The following ZFAND3 variants were observed in gnomAD, a reference collection of about 807,000 sequenced individuals.
ZFAND3 encodes zinc finger AN1-type containing 3.
ZFAND3 carries 10 observed loss-of-function variants against 29.6 expected under a neutral mutation model. The observed-to-expected ratio is 0.34, with a 90% CI of 0.21 to 0.57. The LOEUF is 0.57. Ranked by LOEUF, ZFAND3 falls within the 20% of genes least tolerant of loss-of-function variation. The pLI, the probability that ZFAND3 is intolerant of heterozygous loss-of-function variation, is 0.86. For missense variants in ZFAND3, 230 were observed against 304.5 expected (o/e 0.76, Z 1.82); for synonymous variants, 128 against 112.6 (o/e 1.14, Z -0.87).
chr6:38,006,077 G>A (rs568117073), intron 2 of ZFAND3, among the ~76,000 whole-genome samples: 2 of 152,334 alleles, frequency 1.3e-5, no homozygotes, highest in South Asian at 4.1e-4. Flanking sequence ...CATTGAAGAT[G>A]TATAATATGG....
At chr6:38,103,450 TACACACATATATAC>T (rs1562000292) in intron 4 of ZFAND3, among the ~76,000 whole-genome samples, 2 of 38,590 alleles carry the variant, frequency 5.2e-5, no homozygotes, top group East Asian at 4.0e-3. Context: ...TGTATATATA[TACACACATATATAC>T]ACGTGTATAT....
intron 5 of ZFAND3, among the ~76,000 whole-genome samples, chr6:38,137,437 C>G (rs550879817): frequency 6.6e-6 from 1 of 152,292 alleles, no homozygotes; most frequent in African/African-American, 2.4e-5. Flanking sequence ...TATCTTGTTG[C>G]TAGAAGCAAT....
chr6:37,952,635 T>C (rs146248873), intron 2 of ZFAND3, among the ~76,000 whole-genome samples: 1 of 152,292 alleles, frequency 6.6e-6, no homozygotes, highest in East Asian at 1.9e-4. Flanking sequence ...CATACAGCTC[T>C]TCCTGTCAGC....
Position 38,153,814 on chromosome 6 carries a change from C to A in ZFAND3, c.*1425C>A. The A allele has an allele frequency of 2.0e-6, 2 of 985,516 alleles. No homozygotes were observed. Among genetic ancestry groups the A allele is most frequent in the Non-Finnish European group, 2.4e-6 (2 of 829,976 alleles). The allele number at this position is 985,516 out of a possible 1,614,324, so 61.0% of individuals were successfully genotyped here. On this transcript the variant is annotated 3_prime_UTR_variant, in exon 6 of 6. Transcript: ENST00000287218. ...CAGTGGTCCTAGTGCCGCATCAGAT[C>A]CAGGTGGGTGAGGGCAGGAGGCCCC...
intron 4 of ZFAND3, among the ~76,000 whole-genome samples, chr6:38,113,995 CTG>C (rs768504507): frequency 1.3e-5 from 2 of 152,188 alleles, no homozygotes; most frequent in Admixed American, 1.3e-4. Flanking sequence ...CTGAGCAGTT[CTG>C]TGTTAGAGTA....
intron 2 of ZFAND3, among the ~76,000 whole-genome samples, chr6:38,028,931 T>C (rs2127450544): frequency 6.6e-6 from 1 of 152,348 alleles, no homozygotes; most frequent in Admixed American, 6.5e-5. Flanking sequence ...AGAAATTGTT[T>C]TAATGACTTC....
intron 2 of ZFAND3, among the ~76,000 whole-genome samples, chr6:37,995,204 T>C (rs113793475): frequency 6.6e-6 from 1 of 152,226 alleles, no homozygotes; most frequent in African/African-American, 2.4e-5. Flanking sequence ...TTTTTTCTTC[T>C]TCTTTTGAGG....
chr6:37,885,786 G>T (rs1000110631), intron 1 of ZFAND3, among the ~76,000 whole-genome samples: 1 of 152,058 alleles, frequency 6.6e-6, no homozygotes, highest in African/African-American at 2.4e-5. Context: ...CATAGAATTT[G>T]TTTGCTTGGG....
At chr6:38,094,198 A>G (rs1347610400) in intron 4 of ZFAND3, among the ~76,000 whole-genome samples, 1 of 152,146 alleles carries the variant, frequency 6.6e-6, no homozygotes, top group East Asian at 1.9e-4. Flanking sequence ...GGGTATAAGG[A>G]AGGAACTATT....
chr6:38,130,219 T>C (rs1437668589), intron 5 of ZFAND3, among the ~76,000 whole-genome samples: 6 of 152,320 alleles, frequency 3.9e-5, no homozygotes, highest in Non-Finnish European at 4.4e-5. Flanking sequence ...GAGGAGTCTT[T>C]AGAGTTTTCT....
chr6:37,856,701 ATATTTCT>A (rs1263642021), intron 1 of ZFAND3, among the ~76,000 whole-genome samples: 1 of 152,132 alleles, frequency 6.6e-6, no homozygotes, highest in Non-Finnish European at 1.5e-5. Context: ...TAAAATATAC[ATATTTCT>A]TATTTTTTAT....
chr6:37,967,136 TAATA>T (rs992153448), intron 2 of ZFAND3, among the ~76,000 whole-genome samples: 9 of 152,218 alleles, frequency 5.9e-5, no homozygotes, highest in Admixed American at 5.9e-4. Flanking sequence ...TTTTTGTAAT[TAATA>T]AATGTTTTGT....
chr6:37,842,712 T>C (rs1195048594), intron 1 of ZFAND3, among the ~76,000 whole-genome samples: 1 of 152,242 alleles, frequency 6.6e-6, no homozygotes, highest in African/African-American at 2.4e-5. Context: ...CCTTGCTCTT[T>C]TAGTTGCCTT....
At chr6:37,948,410 A>C (rs966541902) in intron 2 of ZFAND3, among the ~76,000 whole-genome samples, 1 of 152,140 alleles carries the variant, frequency 6.6e-6, no homozygotes, top group Non-Finnish European at 1.5e-5. Flanking sequence ...TAGCCATGCT[A>C]GTTTTCTTTT....
At chr6:38,112,245 G>A (rs1316222902) in intron 4 of ZFAND3, among the ~76,000 whole-genome samples, 1 of 152,092 alleles carries the variant, frequency 6.6e-6, no homozygotes, top group Non-Finnish European at 1.5e-5. Flanking sequence ...GCTCTGTGTG[G>A]GTATATCTAC....
chr6:37,893,802 C>T (rs1369431668), intron 1 of ZFAND3, among the ~76,000 whole-genome samples: 1 of 152,084 alleles, frequency 6.6e-6, no homozygotes, highest in Non-Finnish European at 1.5e-5. Flanking sequence ...GATCCACCTG[C>T]CTTGGCTTCC....
rs558498329 is a variant in ZFAND3 at position 37,839,286 on chromosome 6, T to C, written c.71+19270T>C. Among the ~76,000 whole-genome samples, 126 of 151,410 alleles carry C rather than the reference T, an allele frequency of 8.3e-4. 1 individual carries two copies. Among genetic ancestry groups the C allele is most frequent in the African/African-American group, 3.0e-3 (125 of 41,248 alleles). ...ACCTCCGCCTCCCAGGTTCAAGCGA[T>C]TCTCCTGCCTCAGCTTCCCGGGTAG... is the stretch of plus-strand genomic sequence containing the variant. On this transcript the variant is annotated intron_variant, in intron 1 of 5. Transcript: ENST00000287218.
intron 2 of ZFAND3, among the ~76,000 whole-genome samples, chr6:38,047,623 A>C (rs1485006229): frequency 6.6e-6 from 1 of 152,108 alleles, no homozygotes; most frequent in African/African-American, 2.4e-5. Context: ...CAGCTACGTG[A>C]CTTCTTTTAG....
chr6:38,020,271 G>A (rs1763324622), intron 2 of ZFAND3, among the ~76,000 whole-genome samples: 1 of 152,142 alleles, frequency 6.6e-6, no homozygotes, highest in Non-Finnish European at 1.5e-5. Context: ...TTAAAGCACA[G>A]TGTTATAATT....
Sources: gnomAD v4.1 joint callset for allele counts (sites outside exome capture counted in the v4.1 genomes callset) on GRCh38, gnomAD v4.1.1 for gene constraint, MANE v1.5 for transcripts, NCBI Gene and HGNC (gene_info 2026-07-23, HGNC 2026-07-21) for gene names.